Variants in MCC observed in about 807,000 individuals in gnomAD.
MCC encodes the protein MCC regulator of Wnt signaling pathway, also known as colorectal mutant cancer protein.
MCC carries 90 observed loss-of-function variants against 116.2 expected under a neutral mutation model. The ratio of observed to expected loss-of-function variants is 0.77; its 90% CI spans 0.65 to 0.92. The LOEUF (loss-of-function observed/expected upper bound fraction) is 0.92. Ranked by LOEUF, MCC falls within the 40% of genes least tolerant of loss-of-function variation. The pLI is 0.00. For missense variants in MCC, 1,516 were observed against 1,312.2 expected (o/e 1.16, Z -2.40); for synonymous variants, 578 against 510.5 (o/e 1.13, Z -1.78).
At chr5:113,294,232 G>T in intron 3 of MCC, 1 of 1,482,452 alleles carries the variant, frequency 6.7e-7, no homozygotes, top group Non-Finnish European at 9.3e-7. Context: ...AGCACAGGGG[G>T]ATAGGGTGTA....
chr5:113,207,227 C>G (rs952472206), intron 3 of MCC, among the ~76,000 whole-genome samples: 2 of 152,240 alleles, frequency 1.3e-5, no homozygotes, highest in Non-Finnish European at 2.9e-5. Flanking sequence ...AGTTATGCAA[C>G]GGTGGGCAAA....
At position 113,105,391 on chromosome 5, in the gene MCC, C is replaced by T. The variant is rs138520319; in HGVS notation, c.1028-1036G>A. 1.7e-4 allele frequency among the ~76,000 whole-genome samples: 26 copies of T among 152,336 alleles called. No individual in the cohort carries two copies. The East Asian group carries it at 5.0e-3, about 29-fold the overall frequency. On this transcript the variant is annotated intron_variant, in intron 6 of 18. Transcript: ENST00000408903. ...TCTTGGCACAACAGGAACAGGACTT[C>T]TCAGAATGTTTTAGTCAACCTCATC...
At chr5:113,352,929 T>G (rs1157631156) in intron 2 of MCC, among the ~76,000 whole-genome samples, 1 of 152,142 alleles carries the variant, frequency 6.6e-6, no homozygotes, top group Non-Finnish European at 1.5e-5. Flanking sequence ...AATTTTAATA[T>G]GATTTGGGTT....
chr5:113,433,597 G>C, intron 1 of MCC: 1 of 1,146,108 alleles, frequency 8.7e-7, no homozygotes, highest in Non-Finnish European at 1.2e-6. Flanking sequence ...GGGTTACCAA[G>C]TTCAAGGGGA....
intron 3 of MCC, among the ~76,000 whole-genome samples, chr5:113,219,979 C>A (rs1763478857): frequency 1.3e-5 from 2 of 149,822 alleles, no homozygotes; most frequent in South Asian, 2.2e-4. Flanking sequence ...CCTCCGGGTT[C>A]ATTCTTTTTC....
intron 3 of MCC, among the ~76,000 whole-genome samples, chr5:113,249,361 G>C (rs1764705114): frequency 6.6e-6 from 1 of 152,196 alleles, no homozygotes; most frequent in Non-Finnish European, 1.5e-5. Context: ...TGAGGACAGT[G>C]AGACTTACCA....
At chr5:113,047,330 G>GT (rs1752162893) in intron 16 of MCC, among the ~76,000 whole-genome samples, 1 of 152,236 alleles carries the variant, frequency 6.6e-6, no homozygotes, top group African/African-American at 2.4e-5. Flanking sequence ...CTGGCACGCT[G>GT]TGAGTGCCAA....
chr5:113,078,167 C>A (rs1409152806), intron 11 of MCC, among the ~76,000 whole-genome samples: 1 of 152,190 alleles, frequency 6.6e-6, no homozygotes, highest in Admixed American at 6.5e-5. Context: ...TAATTAATAG[C>A]CTATCAACCA....
intron 8 of MCC, among the ~76,000 whole-genome samples, chr5:113,096,804 T>G (rs575614512): frequency 2.0e-5 from 3 of 152,206 alleles, no homozygotes; most frequent in Admixed American, 6.5e-5. Context: ...CCACTGAGAT[T>G]TGGGGAGTGA....
chr5:113,460,437 T>C (rs1418394271), intron 1 of MCC, among the ~76,000 whole-genome samples: 1 of 152,176 alleles, frequency 6.6e-6, no homozygotes, highest in East Asian at 1.9e-4. Flanking sequence ...CAGTATTCCC[T>C]CCTCTTTACC....
rs1485978345 is a variant in MCC at position 113,022,164 on chromosome 5, CTG to C, written c.*5136_*5137del. On this transcript the variant is annotated 3_prime_UTR_variant, in exon 19 of 19. Transcript: ENST00000408903. ...TGTTTGTAAAATATTATAAATGTCT[CTG>C]TATAAATAAATGGAGTTTTTAAAAA... 3 of 152,518 alleles carry C rather than the reference CTG, an allele frequency of 2.0e-5. No individual in the cohort carries two copies. Among genetic ancestry groups the C allele is most frequent in the Non-Finnish European group, 2.9e-5 (2 of 68,024 alleles). The allele number at this position is 152,518 out of a possible 1,614,324, so 9.4% of individuals were successfully genotyped here.
At chr5:113,367,286 A>G (rs1024310574) in intron 2 of MCC, among the ~76,000 whole-genome samples, 1 of 151,766 alleles carries the variant, frequency 6.6e-6, no homozygotes, top group East Asian at 1.9e-4. Flanking sequence ...CTTGGGACTA[A>G]TTTTTTTGTA....
intron 3 of MCC, among the ~76,000 whole-genome samples, chr5:113,226,625 A>G (rs1217280049): frequency 6.6e-6 from 1 of 152,246 alleles, no homozygotes; most frequent in Non-Finnish European, 1.5e-5. Flanking sequence ...ACATGTTACA[A>G]TTTAAATGAT....
intron 2 of MCC, among the ~76,000 whole-genome samples, chr5:113,372,807 C>G (rs571234343): frequency 6.6e-6 from 1 of 152,288 alleles, no homozygotes; most frequent in South Asian, 2.1e-4. Context: ...GTCACCTACC[C>G]TGGCCTCCCA....
At chr5:113,174,239 T>C (rs1761212802) in intron 3 of MCC, among the ~76,000 whole-genome samples, 1 of 152,134 alleles carries the variant, frequency 6.6e-6, no homozygotes, top group Admixed American at 6.5e-5. Context: ...CCTGAATCAA[T>C]GTTCCCAACC....
chr5:113,111,511 T>A (rs1364740020), intron 6 of MCC, among the ~76,000 whole-genome samples: 1 of 152,240 alleles, frequency 6.6e-6, no homozygotes, highest in Non-Finnish European at 1.5e-5. Flanking sequence ...TGACCTGGAA[T>A]AAGGGGTTAA....
intron 3 of MCC, chr5:113,294,189 A>G: frequency 9.8e-7 from 1 of 1,025,332 alleles, no homozygotes; most frequent in Non-Finnish European, 1.4e-6. Flanking sequence ...CAGAAAATCT[A>G]CTAATCTTCA....
chr5:113,130,106 C>T (rs1758333967), intron 5 of MCC, among the ~76,000 whole-genome samples: 1 of 152,096 alleles, frequency 6.6e-6, no homozygotes, highest in Non-Finnish European at 1.5e-5. Context: ...CAAGGATAGA[C>T]TGGATAAAAA....
intron 3 of MCC, among the ~76,000 whole-genome samples, chr5:113,166,132 A>G (rs942324473): frequency 6.6e-5 from 10 of 152,176 alleles, no homozygotes; most frequent in African/African-American, 2.4e-4. Flanking sequence ...ACTAGGATGC[A>G]AACAGAAAAA....
Sources: gnomAD v4.1 joint callset for allele counts (sites outside exome capture counted in the v4.1 genomes callset) on GRCh38, gnomAD v4.1.1 for gene constraint, MANE v1.5 for transcripts, NCBI Gene and HGNC (gene_info 2026-07-23, HGNC 2026-07-21) for gene names.